MYO18B: variants seen among roughly 807,000 people sequenced by gnomAD.
The protein encoded by MYO18B is myosin XVIIIB, also known as unconventional myosin-XVIIIb.
In MYO18B, 204 loss-of-function variants were observed where a neutral mutation model predicts 273.0. The ratio of observed to expected loss-of-function variants is 0.75; its 90% confidence interval spans 0.67 to 0.84. The LOEUF is 0.84. Among genes scored for constraint, MYO18B ranks in the 40% least tolerant of loss-of-function variants. MYO18B has a pLI of 0.00. For missense variants in MYO18B, 3,212 were observed against 3,287.6 expected, an observed-to-expected ratio of 0.98 and a Z score of 0.56; for synonymous variants, 1,330 against 1,305.7, an observed-to-expected ratio of 1.02 and a Z score of -0.40.
chr22:25,809,558 G>C (rs1288186230), intron 12 of MYO18B, among the ~76,000 whole-genome samples: 2 of 152,158 alleles, frequency 1.3e-5, no homozygotes, highest in Non-Finnish European at 2.9e-5. Flanking sequence ...TCCCAGCGAG[G>C]TGCCCCATGA....
At chr22:26,029,757 G>A (rs1936558780) in intron 43 of MYO18B, among the ~76,000 whole-genome samples, 1 of 152,120 alleles carries the variant, frequency 6.6e-6, no homozygotes, top group Admixed American at 6.5e-5. Context: ...CTAGCCATTG[G>A]ACCCTAGGCA....
At chr22:26,032,814 G>A (rs1317894645), downstream of MYO18B, among the ~76,000 whole-genome samples, 1 of 151,978 alleles carries the variant, frequency 6.6e-6, no homozygotes, top group Non-Finnish European at 1.5e-5. Flanking sequence ...CCCTTTTAAA[G>A]GTCCCGTCTC....
At chr22:25,954,137 C>A (rs5997008) in intron 38 of MYO18B, among the ~76,000 whole-genome samples, 20,912 of 152,110 alleles carry the variant, frequency 0.14, 4,409 homozygotes, top group African/African-American at 0.45. Context: ...GATTGGTTCC[C>A]GGCTTGTTGG....
chr22:25,909,821 G>C (rs766773610), intron 32 of MYO18B, among the ~76,000 whole-genome samples: 16 of 152,154 alleles, frequency 1.1e-4, no homozygotes, highest in Non-Finnish European at 2.4e-4. Context: ...TAGTGACCTG[G>C]GTGGGAATGC....
chr22:25,850,510 G>A (rs1159411508), intron 20 of MYO18B, among the ~76,000 whole-genome samples: 3 of 152,182 alleles, frequency 2.0e-5, no homozygotes, highest in African/African-American at 7.2e-5. Flanking sequence ...ACACGAGGAA[G>A]TTGTTACCCT....
At position 25,902,737 on chromosome 22, in the gene MYO18B, G is replaced by A; in HGVS notation, c.4947+1G>A. The A allele has an allele frequency of 1.3e-6, 2 of 1,577,942 alleles. No homozygotes were observed. Among genetic ancestry groups the A allele is most frequent in the Non-Finnish European group, 1.7e-6 (2 of 1,161,054 alleles). ...AGGCCAGCTTCAGCAGCAGCTGAAG[G>A]TAAGGGATGGGGGACACAGAGCTAT... On this transcript the variant is annotated splice_donor_variant, in intron 30 of 43. Transcript: ENST00000335473. LOFTEE classifies it high-confidence loss of function.
chr22:25,846,154 G>A lies in MYO18B; in HGVS notation c.3423G>A (p.Arg1141=). The A allele has an allele frequency of 6.2e-7, 1 of 1,608,746 alleles. No homozygotes were observed. The highest frequency in any genetic ancestry group is 1.1e-5 in the South Asian group (1 of 90,078). ...QARAKLPPVC[R]AVAGLEGTSQ... is the part of the protein sequence containing the mutation. ...GGGCCAAGCTGCCTCCTGTGTGCCG[G>A]GCTGTGGCAGGCCTGGAGGGCACCT... Residue 1141 remains arginine, a synonymous_variant, in exon 19 of 44, where the codon CGG becomes CGA. Transcript: ENST00000335473.
At chr22:25,840,183 C>T (rs945760194) in intron 17 of MYO18B, among the ~76,000 whole-genome samples, 24 of 152,166 alleles carry the variant, frequency 1.6e-4, no homozygotes. Context: ...ACAGTTGCTC[C>T]TGTTCACTGT....
chr22:25,761,248 A>G, intron 2 of MYO18B, 117 bp downstream of exon 2: 1 of 1,154,752 alleles, frequency 8.7e-7, no homozygotes, highest in Non-Finnish European at 1.3e-6. Flanking sequence ...CCCTCCTAGT[A>G]GCATGTGCAA....
chr22:25,797,804 C>A, intron 11 of MYO18B, 149 bp from the exon 12 acceptor site: 1 of 1,099,766 alleles, frequency 9.1e-7, no homozygotes, highest in Non-Finnish European at 1.3e-6. Context: ...GTTTGTCTGT[C>A]AGTACTCCTC....
rs577746560 is a variant in MYO18B, at chr22:25,950,463, A to G, written c.5832+13A>G. On this transcript the variant is annotated intron_variant, in intron 37 of 43. Transcript: ENST00000335473. ...GCTACAAGAACAAGTATGTGCTCAG[A>G]GCCATCCTATAGTTGTATTAGTCAG... 1 of 1,590,842 alleles carries G rather than the reference A, an allele frequency of 6.3e-7. No individual in the cohort carries two copies. Among genetic ancestry groups the G allele is most frequent in the South Asian group, 1.1e-5 (1 of 87,394 alleles).
chr22:26,006,090 G>T (rs983849412), intron 42 of MYO18B, among the ~76,000 whole-genome samples: 1 of 152,238 alleles, frequency 6.6e-6, no homozygotes, highest in African/African-American at 2.4e-5. Flanking sequence ...TAGCCTGTCT[G>T]CCAGTGGCAG....
chr22:25,924,955 A>G (rs544704598), intron 34 of MYO18B, among the ~76,000 whole-genome samples: 2 of 152,284 alleles, frequency 1.3e-5, no homozygotes, highest in South Asian at 4.1e-4. Flanking sequence ...AATCCTTGCC[A>G]TAACCCTAGG....
rs368848626 is a variant in MYO18B at position 25,903,765 on chromosome 22, A to T, written c.5082A>T (p.Glu1694Asp). The change falls in exon 31 of 44, where the codon GAA (glutamate) becomes GAT (aspartate). Residue 1694 changes from glutamate to aspartate, a missense_variant. Coordinates refer to ENST00000335473, the MANE Select transcript of MYO18B (RefSeq NM_032608.7). Reference sequence around the variant, plus strand: ...TGAAGGAGAGGCTCTGGAAGTTGGAATCCAGCGCCCTTGAGCAACAGAAAA... The same window carrying T: ...TGAAGGAGAGGCTCTGGAAGTTGGATTCCAGCGCCCTTGAGCAACAGAAAA... ...AGLKERLWKL[E>D]SSALEQQKIQ... 2.9e-5 allele frequency: 46 copies of T among 1,604,572 alleles called. No individual in the cohort carries two copies. Among genetic ancestry groups the T allele is most frequent in the Non-Finnish European group, 3.7e-5 (44 of 1,175,676 alleles).
chr22:25,755,587 C>T (rs1601598641), intron 1 of MYO18B, among the ~76,000 whole-genome samples: 3 of 152,188 alleles, frequency 2.0e-5, no homozygotes, highest in African/African-American at 2.4e-5. Context: ...ACGTGTCATC[C>T]GCAGTGTTGG....
At chr22:25,838,873 GTATATATATA>G (rs61430921) in intron 17 of MYO18B, among the ~76,000 whole-genome samples, 1 of 151,160 alleles carries the variant, frequency 6.6e-6, no homozygotes, top group East Asian at 1.9e-4. Context: ...ACATGTTTGT[GTATATATATA>G]TATATATCTG....
intron 42 of MYO18B, among the ~76,000 whole-genome samples, chr22:26,020,730 C>G (rs1313303198): frequency 6.6e-6 from 1 of 152,120 alleles, no homozygotes; most frequent in Non-Finnish European, 1.5e-5. Flanking sequence ...TCATTTCTAA[C>G]AAGACCCTGG....
Position 25,944,378 on chromosome 22 carries a change from AG to A in MYO18B, c.5518-1758del, listed in dbSNP as rs1239008002. On this transcript the variant is annotated intron_variant, in intron 34 of 43. Transcript: ENST00000335473. ...AGGGGCTGGAAAAGGGGGTTTTGTGAGTTGTGACCCATCCCTCTCTGAGCCC... is the reference window on the plus strand; with the variant it reads ...AGGGGCTGGAAAAGGGGGTTTTGTGATTGTGACCCATCCCTCTCTGAGCCC... Among the ~76,000 whole-genome samples, 4 of 152,156 alleles carry A rather than the reference AG, an allele frequency of 2.6e-5. No individual in the cohort carries two copies. In the East Asian group the frequency reaches 7.7e-4, roughly 29 times the overall value.
intron 11 of MYO18B, among the ~76,000 whole-genome samples, chr22:25,789,777 C>A (rs897549406): frequency 6.6e-6 from 1 of 152,216 alleles, no homozygotes; most frequent in East Asian, 1.9e-4. Context: ...CCCTGAGAAA[C>A]CCACTGGTCC....
Sources: gnomAD v4.1 joint callset for allele counts (sites outside exome capture counted in the v4.1 genomes callset) on GRCh38, gnomAD v4.1.1 for gene constraint, MANE v1.5 for transcripts, NCBI Gene and HGNC (gene_info 2026-07-23, HGNC 2026-07-21) for gene names.